TNFRSF8: variants seen among roughly 807,000 people sequenced by gnomAD.
TNFRSF8 encodes the protein TNF receptor superfamily member 8.
A neutral mutation model predicts 70.8 loss-of-function variants in TNFRSF8; 26 were observed. The ratio of observed to expected loss-of-function variants is 0.37; its 90% confidence interval spans 0.27 to 0.51. The LOEUF (loss-of-function observed/expected upper bound fraction) is 0.51, where lower values mean the gene tolerates loss of function less well. TNFRSF8 is among the 20% of genes least tolerant of loss of function. The pLI, the probability that TNFRSF8 is intolerant of heterozygous loss-of-function variation, is 0.94. For synonymous variants in TNFRSF8, 356 were observed against 339.2 expected (o/e 1.05, Z -0.54); for missense variants, 720 against 807.9 (o/e 0.89, Z 1.32).
chr1:12,084,487 T>C lies in TNFRSF8; in HGVS notation c.87T>C (p.Cys29=). 1 of 1,613,894 alleles carries C rather than the reference T, an allele frequency of 6.2e-7. No individual in the cohort carries two copies. The highest frequency in any genetic ancestry group is 8.5e-7 in the Non-Finnish European group (1 of 1,179,916). Residue 29 remains cysteine (C), a synonymous_variant, in exon 2 of 15, where the codon TGT becomes TGC. Transcript: ENST00000263932. ...AGGATCGACCCTTCGAGGACACCTG[T>C]CATGGAAACCCCAGCCACTACTATG... ...FPQDRPFEDT[C]HGNPSHYYDK... is the part of the protein sequence containing the mutation.
chr1:12,130,981 C>T (rs1008697561), intron 12 of TNFRSF8, among the ~76,000 whole-genome samples: 2 of 152,156 alleles, frequency 1.3e-5, no homozygotes, highest in African/African-American at 2.4e-5. Context: ...CAGATTCCGC[C>T]TTTTTACCTC....
At chr1:12,087,862 T>C (rs997661507) in intron 2 of TNFRSF8, among the ~76,000 whole-genome samples, 12 of 152,272 alleles carry the variant, frequency 7.9e-5, no homozygotes, top group Admixed American at 6.5e-4. Context: ...TCCTCCCCAC[T>C]TCCCCTCTCT....
At position 12,142,620 on chromosome 1, in the gene TNFRSF8, G is replaced by A. The variant is rs1222086800; in HGVS notation, c.*89G>A. 28 of 1,476,536 alleles carry A rather than the reference G, an allele frequency of 1.9e-5. No individual in the cohort carries two copies. The highest frequency in any genetic ancestry group is 2.4e-5 in the Non-Finnish European group (27 of 1,104,980). The allele number at this position is 1,476,536 out of a possible 1,614,324, so 91.5% of individuals were successfully genotyped here. On this transcript the variant is annotated 3_prime_UTR_variant, in exon 15 of 15. Coordinates refer to ENST00000263932, the MANE Select transcript of TNFRSF8 (RefSeq NM_001243.5). The surrounding 1 kb of genome is among the most constrained non-coding windows in gnomAD (Gnocchi z 5.0). The stretch of plus-strand genomic sequence containing the variant: ...GTTGGCACCGAGGTTGGGGGCAGAG[G>A]CCCATCTGGCCTGAACTGAGGCTCC...
At chr1:12,076,100 T>TC (rs1171504743) in intron 1 of TNFRSF8, among the ~76,000 whole-genome samples, 6 of 90,012 alleles carry the variant, frequency 6.7e-5, no homozygotes, top group Admixed American at 1.3e-4. Context: ...TTTTTTTCTT[T>TC]TTCTTTTTTT....
Position 12,109,680 on chromosome 1 carries a change from C to T in TNFRSF8, c.512+24C>T. 1 of 1,598,976 alleles carries T rather than the reference C, an allele frequency of 6.3e-7. No individual in the cohort carries two copies. ...AGGTGACTCCCTGGCTTTGCCTCCT[C>T]CTCTTCCCCCAAGCTGGCTTTCAGA... On this transcript the variant is annotated intron_variant, in intron 5 of 14. Transcript: ENST00000263932. This position sits in a 1 kb window ranked among gnomAD's most constrained non-coding sequence, Gnocchi z 4.4.
At position 12,126,355 on chromosome 1, in the gene TNFRSF8, T is replaced by C. The variant is rs1641940975; in HGVS notation, c.1309+119T>C. 10 of 1,199,620 alleles carry C rather than the reference T, an allele frequency of 8.3e-6. No individual in the cohort carries two copies. The South Asian group carries it at 1.2e-4, about 15-fold the overall frequency. 74.3% of individuals were successfully genotyped at this position (1,199,620 alleles called of 1,614,324 possible). ...CCCCAGCCTCGAAGCTCCCTGTCTGTGGCTCCTGTCGCATTCTGTACATCT... is the reference window on the plus strand; with the variant it reads ...CCCCAGCCTCGAAGCTCCCTGTCTGCGGCTCCTGTCGCATTCTGTACATCT... On this transcript the variant is annotated intron_variant, in intron 12 of 14. Transcript: ENST00000263932.
chr1:12,063,602 C>G lies in TNFRSF8; in HGVS notation c.4C>G (p.Arg2Gly). 4 of 1,307,134 alleles carry G rather than the reference C, an allele frequency of 3.1e-6. No homozygotes were observed. Among genetic ancestry groups the G allele is most frequent in the Non-Finnish European group, 3.9e-6 (4 of 1,019,144 alleles). The allele number at this position is 1,307,134 out of a possible 1,614,324, so 81.0% of individuals were successfully genotyped here. MRVLLAALGLLF... is the reference protein window; with the variant it reads MGVLLAALGLLF... ...CACCTCACGTCCGGCCCCGGGGATG[C>G]GCGTCCTCCTCGCCGCGCTGGGACT... is the stretch of plus-strand genomic sequence containing the variant. Residue 2 changes from arginine to glycine, a missense_variant, in exon 1 of 15, where the codon CGC becomes GGC. Physicochemically the swap from Arg to Gly is moderately radical, Grantham distance 125 (BLOSUM62 -2). Coordinates refer to ENST00000263932, the MANE Select transcript of TNFRSF8 (RefSeq NM_001243.5). This position sits in a 1 kb window ranked among gnomAD's most constrained non-coding sequence, Gnocchi z 7.2.
chr1:12,101,774 C>A (rs772363463), intron 3 of TNFRSF8, among the ~76,000 whole-genome samples: 3 of 152,036 alleles, frequency 2.0e-5, no homozygotes, highest in Non-Finnish European at 2.9e-5. Flanking sequence ...TGGGTTCAAG[C>A]GATTCTCCTG....
At chr1:12,114,691 A>C (rs1031299084) in intron 7 of TNFRSF8, among the ~76,000 whole-genome samples, 1 of 133,244 alleles carries the variant, frequency 7.5e-6, no homozygotes, top group East Asian at 2.3e-4. Context: ...GAGGAAAAAA[A>C]ATCTTTTTTT....
chr1:12,126,328 T>C, intron 12 of TNFRSF8, 92 bp downstream of exon 12: 1 of 1,457,712 alleles, frequency 6.9e-7, no homozygotes, highest in Non-Finnish European at 9.6e-7. Context: ...ACTGAACTTC[T>C]ACCCCAGCCT....
chr1:12,094,916 G>A lies in TNFRSF8; in HGVS notation c.152-2185G>A, dbSNP rs146745338. On this transcript the variant is annotated intron_variant, in intron 2 of 14. Transcript: ENST00000263932. The stretch of plus-strand genomic sequence containing the variant: ...GCTGGGATTACAGGTTTGACCCACC[G>A]CACCCGGCTCGAAGCTAGTATTTTT... 1.3e-3 allele frequency among the ~76,000 whole-genome samples: 195 copies of A among 152,164 alleles called. 3 individuals carry two copies. Among genetic ancestry groups the A allele is most frequent in the Admixed American group, 5.0e-3 (76 of 15,276 alleles).
rs116346337 is a variant in TNFRSF8 at position 12,070,557 on chromosome 1, C to G, written c.63+6896C>G. 4.5e-3 allele frequency among the ~76,000 whole-genome samples: 684 copies of G among 152,278 alleles called. 3 individuals carry two copies. Among genetic ancestry groups the G allele is most frequent in the African/African-American group, 0.016 (657 of 41,540 alleles). On this transcript the variant is annotated intron_variant, in intron 1 of 14. Transcript: ENST00000263932. ...CCAGTTTGGTCTCAAACTCCCAGGGCTCAGGTGATCCTCCTGCCTGCGCCT... is the reference window on the plus strand; with the variant it reads ...CCAGTTTGGTCTCAAACTCCCAGGGGTCAGGTGATCCTCCTGCCTGCGCCT...
At chr1:12,114,991 G>C (rs1279441902) in intron 7 of TNFRSF8, among the ~76,000 whole-genome samples, 1 of 152,072 alleles carries the variant, frequency 6.6e-6, no homozygotes, top group African/African-American at 2.4e-5. Context: ...ACAGTCGTGA[G>C]CCACCGTGTC....
At chr1:12,073,107 A>C (rs1472739442) in intron 1 of TNFRSF8, among the ~76,000 whole-genome samples, 6 of 152,176 alleles carry the variant, frequency 3.9e-5, no homozygotes, top group Non-Finnish European at 2.9e-5. Flanking sequence ...GGGCAACAAA[A>C]AATTAGCCGG....
intron 1 of TNFRSF8, among the ~76,000 whole-genome samples, chr1:12,069,790 A>G (rs891050071): frequency 2.9e-4 from 44 of 152,248 alleles, no homozygotes; most frequent in African/African-American, 1.1e-3. Flanking sequence ...GACAGTCAAC[A>G]GACTGCTGCT....
chr1:12,129,936 G>A (rs1408030530), intron 12 of TNFRSF8, among the ~76,000 whole-genome samples: 2 of 152,044 alleles, frequency 1.3e-5, no homozygotes, highest in African/African-American at 4.8e-5. Flanking sequence ...ACAGGGTCTG[G>A]CTCTGTCACC....
rs1642189117 is a variant in TNFRSF8, at chr1:12,138,365, C to G, written c.1472C>G (p.Ala491Gly). 3.7e-6 allele frequency: 6 copies of G among 1,613,568 alleles called. No individual in the cohort carries two copies. In the Admixed American group the frequency reaches 1.0e-4, roughly 27 times the overall value. ...ESLPLQDASP[A>G]GGPSSPRDLP... ...CTGCCGCTGCAGGATGCCAGCCCGG[C>G]CGGGGGCCCCTCGTCCCCCAGGGAC... Residue 491 changes from alanine (A) to glycine (G), a missense_variant, in exon 14 of 15, where the codon GCC becomes GGC. Transcript: ENST00000263932. The surrounding 1 kb of genome is among the most constrained non-coding windows in gnomAD (Gnocchi z 5.7).
intron 1 of TNFRSF8, 50 bp from the exon 2 acceptor site, chr1:12,084,414 T>A (rs765619566): frequency 1.3e-6 from 2 of 1,526,716 alleles, no homozygotes; most frequent in East Asian, 4.5e-5. Context: ...ACAGAGGGAG[T>A]ATGGATATCT....
intron 2 of TNFRSF8, 76 bp from the exon 3 acceptor site, chr1:12,097,025 G>A: frequency 9.1e-7 from 1 of 1,101,312 alleles, no homozygotes; most frequent in South Asian, 1.3e-5. Flanking sequence ...CGTCAGGGAT[G>A]AGAGGTGTGG....
Sources: gnomAD v4.1 joint callset for allele counts (sites outside exome capture counted in the v4.1 genomes callset) on GRCh38, gnomAD v4.1.1 for gene constraint, Gnocchi (gnomAD v3.1) non-coding constraint, MANE v1.5 for transcripts, NCBI Gene and HGNC (gene_info 2026-07-23, HGNC 2026-07-21) for gene names.